ADAMTS10: variants seen among roughly 807,000 people sequenced by gnomAD.
ADAMTS10 encodes the protein A disintegrin and metalloproteinase with thrombospondin motifs 10.
ADAMTS10 carries 48 observed loss-of-function variants against 135.9 expected under a neutral mutation model. The observed-to-expected ratio is 0.35, with a 90% CI of 0.28 to 0.45. The LOEUF (loss-of-function observed/expected upper bound fraction) is 0.45. ADAMTS10 is among the 20% of genes least tolerant of loss of function. The pLI is 1.00. For synonymous variants in ADAMTS10, 621 were observed against 647.5 expected (o/e 0.96, Z 0.62); for missense variants, 1,131 against 1,565.2 (o/e 0.72, Z 4.68).
intron 12 of ADAMTS10, among the ~76,000 whole-genome samples, chr19:8,594,101 C>A (rs564933281): frequency 6.6e-6 from 1 of 152,214 alleles, no homozygotes; most frequent in Non-Finnish European, 1.5e-5. Context: ...TCAGTCCTGT[C>A]GCAATCCCAC....
intron 15 of ADAMTS10, 81 bp downstream of exon 15, chr19:8,591,719 C>G: frequency 6.5e-7 from 1 of 1,545,094 alleles, no homozygotes. Context: ...GGATTACAGG[C>G]GTGAGCCACG....
In ADAMTS10 at chr19:8,605,086, G is replaced by T. The variant is rs1555742230; in HGVS notation, c.361C>A (p.His121Asn). Reference sequence around the variant, plus strand: ...TGCAGGTGACCAGCGTAGAGGCAGTGGGGCCGGGCCGCCCTCTGCCAGGCC... The same window carrying T: ...TGCAGGTGACCAGCGTAGAGGCAGTTGGGCCGGGCCGCCCTCTGCCAGGCC... ...GLAWQRAARP[H>N]CLYAGHLQGQ... is the part of the protein sequence containing the mutation. The change falls in exon 4 of 26, where the codon CAC becomes AAC. Residue 121 changes from histidine to asparagine, a missense_variant. His to Asn is a moderately conservative substitution (Grantham distance 68). Coordinates refer to ENST00000597188, the MANE Select transcript of ADAMTS10 (RefSeq NM_030957.4). The surrounding 1 kb of genome is among the most constrained non-coding windows in gnomAD (Gnocchi z 7.7). 1.2e-6 allele frequency: 2 copies of T among 1,612,790 alleles called. No homozygotes were observed. The highest frequency in any genetic ancestry group is 8.5e-7 in the Non-Finnish European group (1 of 1,179,688).
chr19:8,592,640 T>C lies in ADAMTS10; in HGVS notation c.1587+123A>G, dbSNP rs1342841743. The C allele has an allele frequency of 4.0e-6, 4 of 999,974 alleles. No homozygotes were observed. In the African/African-American group the frequency reaches 4.9e-5, roughly 12 times the overall value. 61.9% of individuals were successfully genotyped at this position (999,974 alleles called of 1,614,324 possible). Reference sequence around the variant, plus strand: ...GTGGCCACAGCCGAGGGAGCACAAATGGCGGGCGTGGCCAATGTGGGAGGG... The same window carrying C: ...GTGGCCACAGCCGAGGGAGCACAAACGGCGGGCGTGGCCAATGTGGGAGGG... On this transcript the variant is annotated intron_variant, in intron 13 of 25. Coordinates refer to ENST00000597188, the MANE Select transcript of ADAMTS10 (RefSeq NM_030957.4).
At chr19:8,607,877 C>T (rs1014414731) in intron 2 of ADAMTS10, among the ~76,000 whole-genome samples, 15 of 129,734 alleles carry the variant, frequency 1.2e-4, no homozygotes, top group African/African-American at 4.1e-4. Context: ...GTGGTGTGAT[C>T]TCTGCTCACT....
Position 8,580,852 on chromosome 19 carries a change from C to G in ADAMTS10, c.*41G>C. 1 of 1,506,398 alleles carries G rather than the reference C, an allele frequency of 6.6e-7. No homozygotes were observed. Among genetic ancestry groups the G allele is most frequent in the Non-Finnish European group, 9.0e-7 (1 of 1,105,914 alleles). The allele number at this position is 1,506,398 out of a possible 1,614,324, so 93.3% of individuals were successfully genotyped here. A position where few individuals can be genotyped will look rare whatever the true frequency, so the allele number is the denominator to read the frequency against. ...GGCCGGCCCGCTGCAGGGCTGGCGG[C>G]GGAGACCCCGCCAGCTGTGGCTCCG... On this transcript the variant is annotated 3_prime_UTR_variant, in exon 26 of 26. Transcript: ENST00000597188.
chr19:8,597,084 A>G lies in ADAMTS10; in HGVS notation c.943T>C (p.Cys315Arg), dbSNP rs782015741. Reference protein sequence around the residue: ...HHAGKSLDSFCKWQKSIVNHS... With the variant: ...HHAGKSLDSFRKWQKSIVNHS... ...TTCACGATGGATTTCTGCCACTTACAGAAGCTGTCCAGGGACTTCCCGGCA... is the reference window on the plus strand; with the variant it reads ...TTCACGATGGATTTCTGCCACTTACGGAAGCTGTCCAGGGACTTCCCGGCA... Residue 315 changes from cysteine to arginine, a missense_variant, in exon 8 of 26, where the codon TGT becomes CGT. Coordinates refer to ENST00000597188, the MANE Select transcript of ADAMTS10 (RefSeq NM_030957.4). 1 of 1,614,174 alleles carries G rather than the reference A, an allele frequency of 6.2e-7. No homozygotes were observed. The highest frequency in any genetic ancestry group is 8.5e-7 in the Non-Finnish European group (1 of 1,180,040).
chr19:8,595,698 T>TCCCCCCCCC, intron 12 of ADAMTS10, 64 bp downstream of exon 12: 2 of 1,291,948 alleles, frequency 1.5e-6, no homozygotes, highest in East Asian at 3.2e-5. Flanking sequence ...CTGGTGGAGT[T>TCCCCCCCCC]CCCTCCCCCA....
At chr19:8,589,019 T>C (rs2042479236) in intron 18 of ADAMTS10, among the ~76,000 whole-genome samples, 1 of 152,186 alleles carries the variant, frequency 6.6e-6, no homozygotes, top group African/African-American at 2.4e-5. Flanking sequence ...CTCAAACTCC[T>C]GGCCTCAAGT....
chr19:8,600,757 C>T (rs769914043), intron 6 of ADAMTS10, among the ~76,000 whole-genome samples, 171 bp downstream of exon 6: 3 of 152,062 alleles, frequency 2.0e-5, no homozygotes, highest in Admixed American at 6.6e-5. Context: ...CTTGGCCTCC[C>T]GAAGTGCTGG....
At chr19:8,589,097 C>A in intron 18 of ADAMTS10, 145 bp downstream of exon 18, 3 of 1,384,946 alleles carry the variant, frequency 2.2e-6, no homozygotes, top group Non-Finnish European at 2.9e-6. Context: ...TGGCTGAGCC[C>A]GCAGGACTTT....
intron 13 of ADAMTS10, 131 bp from the exon 14 acceptor site, chr19:8,592,234 C>T: frequency 6.9e-7 from 1 of 1,454,368 alleles, no homozygotes; most frequent in Non-Finnish European, 9.1e-7. Flanking sequence ...GGGGTCTGAA[C>T]ATGCGAACAG....
chr19:8,592,080 G>T lies in ADAMTS10; in HGVS notation c.1611C>A (p.Val537=). The T allele has an allele frequency of 6.2e-7, 1 of 1,613,776 alleles. No individual in the cohort carries two copies. The highest frequency in any genetic ancestry group is 8.5e-7 in the Non-Finnish European group (1 of 1,179,966). ...DKGWCYKRVC[V]PFGSRPEGVD... ...CACCCTCTGGGCGCGACCCAAAGGG[G>T]ACACAGACCCGTTTGTAGCACCACT... is the stretch of plus-strand genomic sequence containing the variant. Residue 537 remains valine (V), a synonymous_variant, in exon 14 of 26, where the codon GTC becomes GTA. Coordinates refer to ENST00000597188, the MANE Select transcript of ADAMTS10 (RefSeq NM_030957.4).
At chr19:8,592,925 G>A in intron 12 of ADAMTS10, 55 bp from the exon 13 acceptor site, 1 of 1,526,870 alleles carries the variant, frequency 6.5e-7, no homozygotes, top group Non-Finnish European at 8.9e-7. Flanking sequence ...CCCTGGGGCA[G>A]CCCGCCCGGC....
At chr19:8,608,718 C>T (rs2042748316) in intron 1 of ADAMTS10, among the ~76,000 whole-genome samples, 1 of 152,142 alleles carries the variant, frequency 6.6e-6, no homozygotes, top group East Asian at 1.9e-4. Context: ...CTGTCCTGGT[C>T]CCCCTAAGAC....
At chr19:8,598,303 C>G (rs953509931) in intron 6 of ADAMTS10, among the ~76,000 whole-genome samples, 1 of 151,942 alleles carries the variant, frequency 6.6e-6, no homozygotes, top group Non-Finnish European at 1.5e-5. Context: ...CCCCTGCTTA[C>G]CCCCCTGACT....
chr19:8,589,784 ACAGGGCT>A (rs765042121), intron 16 of ADAMTS10, 98 bp downstream of exon 16: 220 of 1,432,580 alleles, frequency 1.5e-4, no homozygotes, highest in Non-Finnish European at 2.0e-4. Context: ...CCGGGTGGGG[ACAGGGCT>A]CAGGGCAGAC....
chr19:8,609,177 T>C (rs1405147010), intron 1 of ADAMTS10, among the ~76,000 whole-genome samples: 2 of 147,392 alleles, frequency 1.4e-5, no homozygotes, highest in African/African-American at 5.0e-5. Flanking sequence ...TGTGACCCTG[T>C]GTGTGATTGT....
At chr19:8,591,447 T>TG (rs34788887) in intron 15 of ADAMTS10, among the ~76,000 whole-genome samples, 26,132 of 147,962 alleles carry the variant, frequency 0.18, 2,561 homozygotes, top group Middle Eastern at 0.23. Flanking sequence ...TTTTTGTTTT[T>TG]TTTTTTTTTT....
intron 6 of ADAMTS10, among the ~76,000 whole-genome samples, chr19:8,597,953 G>A (rs1247547298): frequency 6.6e-6 from 1 of 152,020 alleles, no homozygotes; most frequent in Non-Finnish European, 1.5e-5. Flanking sequence ...ACAGGCGTGA[G>A]CCACCGTGCC....
Sources: gnomAD v4.1 joint callset for allele counts (sites outside exome capture counted in the v4.1 genomes callset) on GRCh38, gnomAD v4.1.1 for gene constraint, Gnocchi (gnomAD v3.1) non-coding constraint, MANE v1.5 for transcripts, NCBI Gene and HGNC (gene_info 2026-07-23, HGNC 2026-07-21) for gene names.